The following CNTNAP4 variants were observed in gnomAD, a reference collection of about 807,000 sequenced individuals.
CNTNAP4 encodes contactin-associated protein-like 4.
CNTNAP4 carries 98 observed loss-of-function variants against 148.4 expected under a neutral mutation model. The ratio of observed to expected loss-of-function variants is 0.66; its 90% CI spans 0.56 to 0.78. CNTNAP4 has a LOEUF of 0.78. Ranked by LOEUF, CNTNAP4 falls within the 30% of genes least tolerant of loss-of-function variation. CNTNAP4 has a pLI of 0.00. For missense variants in CNTNAP4, 1,935 were observed against 1,565.6 expected, an observed-to-expected ratio of 1.24 and a Z score of -3.98; for synonymous variants, 730 against 565.1, an observed-to-expected ratio of 1.29 and a Z score of -4.14.
rs370039210 is a variant in CNTNAP4, at chr16:76,538,266, C to A, written c.3146C>A (p.Thr1049Lys). 1.9e-6 allele frequency: 3 copies of A among 1,610,768 alleles called. No individual in the cohort carries two copies. Among genetic ancestry groups the A allele is most frequent in the Non-Finnish European group, 2.5e-6 (3 of 1,178,728 alleles). The change falls in exon 19 of 24, where the codon ACA becomes AAA. Residue 1049 changes from threonine to lysine, a missense_variant. Physicochemically the swap from Thr to Lys is moderately conservative, Grantham distance 78. Coordinates refer to ENST00000611870, the MANE Select transcript of CNTNAP4 (RefSeq NM_033401.5). ...REMIKFSFRT[T>K]RTPSLLLFVS... ...ATGATCAAATTTAGTTTCCGAACAA[C>A]ACGAACACCAAGCTTGCTGCTTTTT...
At chr16:76,347,505 A>G (rs199955485) in intron 2 of CNTNAP4, among the ~76,000 whole-genome samples, 1 of 100,648 alleles carries the variant, frequency 9.9e-6, no homozygotes, top group African/African-American at 2.9e-5. Context: ...TATGCTATAT[A>G]AAAAAGATGG....
chr16:76,482,083 T>C (rs1196244763), intron 12 of CNTNAP4, among the ~76,000 whole-genome samples: 1 of 152,022 alleles, frequency 6.6e-6, no homozygotes, highest in African/African-American at 2.4e-5. Flanking sequence ...TTTAGTTGGA[T>C]TGCAACTGCT....
At chr16:76,308,472 C>T (rs1298314886) in intron 1 of CNTNAP4, among the ~76,000 whole-genome samples, 1 of 152,162 alleles carries the variant, frequency 6.6e-6, no homozygotes, top group Admixed American at 6.5e-5. Context: ...GCAGCTTCCT[C>T]CACACACCGT....
Position 76,410,019 on chromosome 16 carries a change from A to C in CNTNAP4, c.391-17433A>C, listed in dbSNP as rs183921442. 2.0e-5 allele frequency among the ~76,000 whole-genome samples: 3 copies of C among 151,996 alleles called. No homozygotes were observed. The East Asian group carries it at 5.8e-4, about 29-fold the overall frequency. Reference sequence around the variant, plus strand: ...TATTCTTATCTCCAATTTATAGATAAAGAAACTGAGGTTTAGGAATCTGAT... The same window carrying C: ...TATTCTTATCTCCAATTTATAGATACAGAAACTGAGGTTTAGGAATCTGAT... On this transcript the variant is annotated intron_variant, in intron 3 of 23. Coordinates refer to ENST00000611870, the MANE Select transcript of CNTNAP4 (RefSeq NM_033401.5).
chr16:76,374,515 T>C (rs1480243927), intron 3 of CNTNAP4, among the ~76,000 whole-genome samples: 6 of 152,082 alleles, frequency 3.9e-5, no homozygotes, highest in African/African-American at 1.4e-4. Flanking sequence ...TAAAACTCTT[T>C]ATGTGAACAA....
chr16:76,488,305 T>C (rs374841263), intron 12 of CNTNAP4, among the ~76,000 whole-genome samples: 4 of 152,202 alleles, frequency 2.6e-5, no homozygotes, highest in South Asian at 2.1e-4. Context: ...CGTAATTTCA[T>C]TGGCTGGTAG....
intron 13 of CNTNAP4, among the ~76,000 whole-genome samples, chr16:76,490,818 C>A (rs1194756196): frequency 6.6e-6 from 1 of 152,120 alleles, no homozygotes; most frequent in Non-Finnish European, 1.5e-5. Context: ...CACGTATTTT[C>A]TAGCAGTGGC....
intron 2 of CNTNAP4, among the ~76,000 whole-genome samples, chr16:76,319,545 C>G (rs766240754): frequency 6.6e-6 from 1 of 152,078 alleles, no homozygotes; most frequent in Non-Finnish European, 1.5e-5. Flanking sequence ...ATGAAGGTGA[C>G]CTTATTTGGA....
intron 8 of CNTNAP4, among the ~76,000 whole-genome samples, chr16:76,457,941 G>A (rs2080797818): frequency 6.6e-6 from 1 of 151,810 alleles, no homozygotes; most frequent in Admixed American, 6.6e-5. Flanking sequence ...TTAAATTCTT[G>A]CCCCATGCCC....
In CNTNAP4 at chr16:76,538,119, T is replaced by A. The variant is rs1393736939; in HGVS notation, c.2999T>A (p.Ile1000Asn). Residue 1000 changes from isoleucine (I) to asparagine (N), a missense_variant, in exon 19 of 24, where the codon ATT becomes AAT. Transcript: ENST00000611870. ...AYTGPFCSNEISAYFGSGSSV... is the reference protein window; with the variant it reads ...AYTGPFCSNENSAYFGSGSSV... ...ATATATATATATATTATTTCAGAGA[T>A]TTCTGCATATTTTGGATCTGGCTCA... The A allele has an allele frequency of 3.6e-6, 5 of 1,383,298 alleles. No homozygotes were observed. Among genetic ancestry groups the A allele is most frequent in the Admixed American group, 3.1e-5 (1 of 32,374 alleles). The allele number at this position is 1,383,298 out of a possible 1,614,324, so 85.7% of individuals were successfully genotyped here.
chr16:76,368,912 G>T (rs898377267), intron 3 of CNTNAP4, among the ~76,000 whole-genome samples: 1 of 152,134 alleles, frequency 6.6e-6, no homozygotes, highest in African/African-American at 2.4e-5. Context: ...CGTTAGACCA[G>T]TGGTTACTGG....
At chr16:76,432,119 A>C (rs562036975) in intron 4 of CNTNAP4, among the ~76,000 whole-genome samples, 1 of 152,168 alleles carries the variant, frequency 6.6e-6, no homozygotes, top group Non-Finnish European at 1.5e-5. Context: ...AAAAATGGGA[A>C]TGCATTTCCG....
In CNTNAP4 at chr16:76,447,862, A is replaced by T. The variant is rs765971199; in HGVS notation, c.539-150A>T. The stretch of plus-strand genomic sequence containing the variant: ...ATTTTTAACTTAAGATGGGTTTATC[A>T]GGATATAACTCCATCATTAGTTGAG... On this transcript the variant is annotated intron_variant, in intron 4 of 23. Transcript: ENST00000611870. 4.6e-4 allele frequency: 266 copies of T among 584,070 alleles called. 2 individuals are homozygous for T. Among genetic ancestry groups the T allele is most frequent in the Middle Eastern group, 1.4e-3 (3 of 2,182 alleles). 36.2% of individuals were successfully genotyped at this position (584,070 alleles called of 1,614,324 possible).
At chr16:76,315,338 G>A (rs768871738) in intron 1 of CNTNAP4, among the ~76,000 whole-genome samples, 27 of 152,126 alleles carry the variant, frequency 1.8e-4, no homozygotes, top group Non-Finnish European at 3.5e-4. Flanking sequence ...GAGGCTGGGG[G>A]TTCATCATAG....
intron 1 of CNTNAP4, among the ~76,000 whole-genome samples, chr16:76,307,916 C>T (rs1960668960): frequency 6.6e-6 from 1 of 152,122 alleles, no homozygotes; most frequent in African/African-American, 2.4e-5. Context: ...CCAGTGTTTG[C>T]CTCCAAATGA....
rs112910100 is a variant in CNTNAP4 at position 76,419,898 on chromosome 16, G to A, written c.391-7554G>A. Among the ~76,000 whole-genome samples, 387 of 152,044 alleles carry A rather than the reference G, an allele frequency of 2.5e-3. 1 individual carries two copies. Among genetic ancestry groups the A allele is most frequent in the African/African-American group, 8.5e-3 (354 of 41,480 alleles). ...GAGCTCTCTTCGTATTCTTATAAGG[G>A]CACTAATTTCCTCATGAAGGCCCCA... On this transcript the variant is annotated intron_variant, in intron 3 of 23. Coordinates refer to ENST00000611870, the MANE Select transcript of CNTNAP4 (RefSeq NM_033401.5).
intron 13 of CNTNAP4, among the ~76,000 whole-genome samples, chr16:76,493,629 T>C (rs1597725250): frequency 1.3e-5 from 2 of 152,316 alleles, no homozygotes; most frequent in Middle Eastern, 6.8e-3. Flanking sequence ...TTTTAATCTA[T>C]GAAAACTTAA....
intron 4 of CNTNAP4, among the ~76,000 whole-genome samples, chr16:76,432,312 G>A (rs1459940868): frequency 2.6e-5 from 4 of 152,068 alleles, no homozygotes; most frequent in African/African-American, 9.7e-5. Context: ...AACAAGTTAG[G>A]GCAGTAACTT....
intron 13 of CNTNAP4, among the ~76,000 whole-genome samples, chr16:76,490,632 A>G (rs1486134132): frequency 1.3e-5 from 2 of 152,194 alleles, no homozygotes; most frequent in Non-Finnish European, 2.9e-5. Context: ...ATTAGTCTCT[A>G]TGAAGAAAAT....
Sources: allele counts gnomAD v4.1 joint callset (sites outside exome capture counted in the v4.1 genomes callset), GRCh38; gene constraint gnomAD v4.1.1; transcripts MANE v1.5; gene names NCBI Gene and HGNC (gene_info 2026-07-23, HGNC 2026-07-21).